The following OPCML variants were observed in gnomAD, a reference collection of about 807,000 sequenced individuals.
OPCML encodes the protein opioid-binding protein/cell adhesion molecule.
OPCML carries 13 observed loss-of-function variants against 37.8 expected under a neutral mutation model. That is an observed-to-expected ratio of 0.34 (90% CI 0.22 to 0.55). OPCML has a LOEUF of 0.55. Among genes scored for constraint, OPCML ranks in the 20% least tolerant of loss-of-function variants. The pLI is 0.91. For synonymous variants in OPCML, 176 were observed against 168.8 expected (o/e 1.04, Z -0.33); for missense variants, 341 against 435.6 (o/e 0.78, Z 1.93).
chr11:133,303,945 G>A (rs1375187553), intron 1 of OPCML, among the ~76,000 whole-genome samples: 2 of 152,216 alleles, frequency 1.3e-5, no homozygotes, highest in African/African-American at 4.8e-5. Context: ...ATCATTCTAT[G>A]TTTTTGGTTG....
intron 3 of OPCML, among the ~76,000 whole-genome samples, chr11:132,622,351 G>T (rs1200357627): frequency 6.6e-6 from 1 of 152,064 alleles, no homozygotes; most frequent in East Asian, 1.9e-4. Context: ...GAGCAAACAT[G>T]AAAAGAGGAG....
rs889397907 is a variant in OPCML, at chr11:132,965,631, C to T, written c.62-22621G>A. Among the ~76,000 whole-genome samples, 5 of 152,254 alleles carry T rather than the reference C, an allele frequency of 3.3e-5. No individual in the cohort carries two copies. In the South Asian group the frequency reaches 1.0e-3, roughly 32 times the overall value. Reference sequence around the variant, plus strand: ...CACTGCAATTTCTGCCTCCTGAGTTCAAGCGATTCTCCTGCCTCAGCCTCC... The same window carrying T: ...CACTGCAATTTCTGCCTCCTGAGTTTAAGCGATTCTCCTGCCTCAGCCTCC... On this transcript the variant is annotated intron_variant, in intron 1 of 7. Coordinates refer to ENST00000524381, the MANE Select transcript of OPCML (RefSeq NM_001012393.5).
chr11:133,022,494 T>C (rs1319864753), intron 1 of OPCML, among the ~76,000 whole-genome samples: 3 of 152,110 alleles, frequency 2.0e-5, no homozygotes, highest in Non-Finnish European at 4.4e-5. Context: ...GTTTTTTTTT[T>C]TTCTGCTTTT....
intron 4 of OPCML, among the ~76,000 whole-genome samples, chr11:132,472,826 T>C (rs1033981597): frequency 2.0e-5 from 3 of 152,222 alleles, no homozygotes; most frequent in Non-Finnish European, 4.4e-5. Flanking sequence ...TTTGTATCTT[T>C]CTCACTACCT....
intron 1 of OPCML, among the ~76,000 whole-genome samples, chr11:132,960,153 C>T (rs988146620): frequency 1.3e-5 from 2 of 152,204 alleles, no homozygotes; most frequent in African/African-American, 4.8e-5. Context: ...ACTGCGTGCA[C>T]GCAGCATATC....
At chr11:133,475,260 T>G (rs1275750249) in intron 1 of OPCML, among the ~76,000 whole-genome samples, 1 of 151,924 alleles carries the variant, frequency 6.6e-6, no homozygotes, top group African/African-American at 2.4e-5. Flanking sequence ...CCACCTAGCA[T>G]CACGTCCAAG....
chr11:133,492,580 C>T (rs1051649166), intron 1 of OPCML, among the ~76,000 whole-genome samples: 11 of 151,816 alleles, frequency 7.2e-5, no homozygotes, highest in African/African-American at 2.4e-4. Flanking sequence ...TCATTAGAGA[C>T]TAAAACACGT....
chr11:132,913,291 G>A (rs1006159807), intron 2 of OPCML, among the ~76,000 whole-genome samples: 2 of 152,154 alleles, frequency 1.3e-5, no homozygotes, highest in African/African-American at 4.8e-5. Flanking sequence ...ACACTTCTAA[G>A]AGCGGATCCA....
At chr11:132,844,833 T>C (rs1295793670) in intron 2 of OPCML, among the ~76,000 whole-genome samples, 1 of 151,956 alleles carries the variant, frequency 6.6e-6, no homozygotes, top group African/African-American at 2.4e-5. Context: ...TCTGGGTCAC[T>C]GCACACTATA....
chr11:133,023,885 C>A (rs762090228), intron 1 of OPCML, among the ~76,000 whole-genome samples: 3 of 152,140 alleles, frequency 2.0e-5, no homozygotes, highest in Non-Finnish European at 2.9e-5. Flanking sequence ...TTGGGGAAAT[C>A]GAGTTTCATT....
chr11:133,515,837 G>C (rs573219382), intron 1 of OPCML, among the ~76,000 whole-genome samples: 1 of 137,106 alleles, frequency 7.3e-6, no homozygotes, highest in Non-Finnish European at 1.5e-5. Flanking sequence ...ATTCTGCCAA[G>C]AAGAGGAAAA....
At chr11:133,209,167 T>C (rs1420791467) in intron 1 of OPCML, among the ~76,000 whole-genome samples, 2 of 152,230 alleles carry the variant, frequency 1.3e-5, no homozygotes, top group African/African-American at 2.4e-5. Flanking sequence ...TGTAATTATT[T>C]GTTTGATGTC....
chr11:133,039,076 T>C (rs1947836832), intron 1 of OPCML, among the ~76,000 whole-genome samples: 2 of 152,226 alleles, frequency 1.3e-5, no homozygotes, highest in Non-Finnish European at 2.9e-5. Flanking sequence ...TTCTCATCCA[T>C]GTGTTTTAAG....
intron 1 of OPCML, among the ~76,000 whole-genome samples, chr11:133,508,875 C>A (rs1414803427): frequency 6.6e-6 from 1 of 152,172 alleles, no homozygotes; most frequent in Non-Finnish European, 1.5e-5. Flanking sequence ...CCAGCACCTT[C>A]CAGACAAGAG....
chr11:132,845,491 G>C (rs1324533502), intron 2 of OPCML, among the ~76,000 whole-genome samples: 1 of 152,200 alleles, frequency 6.6e-6, no homozygotes, highest in African/African-American at 2.4e-5. Flanking sequence ...ATCTCTGATA[G>C]TGTCACTACA....
chr11:132,800,695 ATGG>A (rs1293009753), intron 2 of OPCML, among the ~76,000 whole-genome samples: 1 of 152,198 alleles, frequency 6.6e-6, no homozygotes, highest in African/African-American at 2.4e-5. Context: ...CTCTATTAAA[ATGG>A]TGGATTACAT....
chr11:132,708,341 C>T (rs1001818182), intron 2 of OPCML, among the ~76,000 whole-genome samples: 1 of 152,156 alleles, frequency 6.6e-6, no homozygotes, highest in African/African-American at 2.4e-5. Context: ...CATACACTTT[C>T]TTTCTTCTCT....
Position 132,486,606 on chromosome 11 carries a change from C to CTCA in OPCML, c.505+42452_505+42454dup, listed in dbSNP as rs1159725059. Among the ~76,000 whole-genome samples, 3 of 151,762 alleles carry CTCA rather than the reference C, an allele frequency of 2.0e-5. No individual in the cohort carries two copies. In the East Asian group the frequency reaches 5.8e-4, roughly 29 times the overall value. On this transcript the variant is annotated intron_variant, in intron 4 of 7. Transcript: ENST00000524381. ...TATTTACTTTTATTTAAGCCATTGT[C>CTCA]TCATAAATTTATTTTTCTGGGATTC...
At chr11:132,988,085 C>T (rs1319239184) in intron 1 of OPCML, among the ~76,000 whole-genome samples, 3 of 152,164 alleles carry the variant, frequency 2.0e-5, no homozygotes, top group Non-Finnish European at 4.4e-5. Flanking sequence ...AAGGACAGCG[C>T]ATCCACGCCT....
Sources: allele counts gnomAD v4.1 joint callset (sites outside exome capture counted in the v4.1 genomes callset), GRCh38; gene constraint gnomAD v4.1.1; transcripts MANE v1.5; gene names NCBI Gene and HGNC (gene_info 2026-07-23, HGNC 2026-07-21).